Variants in ST8SIA1 observed in about 807,000 individuals in gnomAD.
ST8SIA1 encodes ST8 alpha-N-acetyl-neuraminide alpha-2,8-sialyltransferase 1, also known as alpha-N-acetylneuraminide alpha-2,8-sialyltransferase.
Under a neutral mutation model 35.9 loss-of-function variants are expected in ST8SIA1, and 16 were observed. The observed-to-expected ratio is 0.45, with a 90% CI of 0.30 to 0.68. The LOEUF is 0.68. Among genes scored for constraint, ST8SIA1 ranks in the 30% least tolerant of loss-of-function variants. The pLI, the probability that ST8SIA1 is intolerant of heterozygous loss-of-function variation, is 0.09. For synonymous variants in ST8SIA1, 170 were observed against 169.6 expected (o/e 1.00, Z -0.02); for missense variants, 383 against 453.6 (o/e 0.84, Z 1.41).
rs1410154327 is a variant in ST8SIA1 at position 22,334,623 on chromosome 12, T to C, written c.-391A>G. The C allele has an allele frequency of 4.4e-6, 1 of 225,418 alleles. No homozygotes were observed. The highest frequency in any genetic ancestry group is 2.3e-5 in the African/African-American group (1 of 42,850). 14.0% of individuals were successfully genotyped at this position (225,418 alleles called of 1,614,324 possible). The stretch of plus-strand genomic sequence containing the variant: ...AGAAGGCTCGGCTCCCTCCTAAACA[T>C]GTGGCCCGTGGCGTCCCCTTGTCCC... On this transcript the variant is annotated 5_prime_UTR_variant, in exon 1 of 5. An upstream start codon of the reference 5' UTR is lost. Transcript: ENST00000396037.
chr12:22,321,052 AAAAGG>A lies in ST8SIA1; in HGVS notation c.236+12940_236+12944del, dbSNP rs1565596137. ...AAAGAAAGAGAAAGAGAAAGAAAAG[AAAAGG>A]AAGAGTCTGCAGAATCAACCAGACA... On this transcript the variant is annotated intron_variant, in intron 1 of 4. Transcript: ENST00000396037. Among the ~76,000 whole-genome samples, 22 of 151,614 alleles carry A rather than the reference AAAAGG, an allele frequency of 1.5e-4. 1 individual carries two copies. The East Asian group carries it at 3.9e-3, about 27-fold the overall frequency.
chr12:22,330,195 C>T (rs1866743265), intron 1 of ST8SIA1, among the ~76,000 whole-genome samples: 1 of 152,198 alleles, frequency 6.6e-6, no homozygotes, highest in Non-Finnish European at 1.5e-5. Flanking sequence ...ACTCCAAACA[C>T]CACCTCCTCT....
chr12:22,333,379 A>C (rs1486810382), intron 1 of ST8SIA1, among the ~76,000 whole-genome samples: 1 of 152,222 alleles, frequency 6.6e-6, no homozygotes. Context: ...TAAAGAATCA[A>C]TTTGTGGTCA....
At chr12:22,245,577 G>A (rs1865590859) in intron 4 of ST8SIA1, among the ~76,000 whole-genome samples, 1 of 152,342 alleles carries the variant, frequency 6.6e-6, no homozygotes, top group South Asian at 2.1e-4. Flanking sequence ...ATCAGAAGGT[G>A]TGATAGTGTA....
At chr12:22,260,072 T>C (rs1865771415) in intron 2 of ST8SIA1, among the ~76,000 whole-genome samples, 1 of 152,134 alleles carries the variant, frequency 6.6e-6, no homozygotes, top group South Asian at 2.1e-4. Context: ...TATAACACTC[T>C]TGCTAACCTT....
At chr12:22,320,969 AAGAAAGAAAG>A (rs1866584369) in intron 1 of ST8SIA1, among the ~76,000 whole-genome samples, 3 of 83,412 alleles carry the variant, frequency 3.6e-5, no homozygotes, top group African/African-American at 1.9e-4. Context: ...GAAAGAAAGA[AAGAAAGAAAG>A]AAAGAAAGAA....
At chr12:22,271,374 T>G (rs1269715921) in intron 2 of ST8SIA1, among the ~76,000 whole-genome samples, 1 of 152,164 alleles carries the variant, frequency 6.6e-6, no homozygotes. Context: ...ATATATAAAC[T>G]CTATATGAAT....
intron 4 of ST8SIA1, among the ~76,000 whole-genome samples, chr12:22,245,536 T>G (rs571559084): frequency 2.1e-4 from 32 of 152,244 alleles, no homozygotes; most frequent in Non-Finnish European, 1.0e-4. Flanking sequence ...TGCTACTGTC[T>G]CCTTGTGCAA....
chr12:22,268,707 G>A (rs962524741), intron 2 of ST8SIA1: 2 of 152,138 alleles, frequency 1.3e-5, no homozygotes, highest in Admixed American at 1.3e-4. Flanking sequence ...CATGAGAACA[G>A]CATGAGGGTA....
At chr12:22,251,179 T>G (rs1323648510) in intron 3 of ST8SIA1, among the ~76,000 whole-genome samples, 3 of 152,210 alleles carry the variant, frequency 2.0e-5, no homozygotes, top group African/African-American at 7.2e-5. Flanking sequence ...TTAATTGCCC[T>G]TGGAAGCAGG....
rs550780913 is a variant in ST8SIA1, at chr12:22,240,642, A to T, written c.584+8364T>A. ...GAGTTGTACACAATTTTAAAGATAA[A>T]TTGCTGTAATCTTGGACCCAAGTTA... On this transcript the variant is annotated intron_variant, in intron 4 of 4. Transcript: ENST00000396037. 2.6e-5 allele frequency among the ~76,000 whole-genome samples: 4 copies of T among 152,250 alleles called. No individual in the cohort carries two copies. The East Asian group carries it at 7.7e-4, about 29-fold the overall frequency.
intron 1 of ST8SIA1, among the ~76,000 whole-genome samples, chr12:22,310,761 C>T (rs1866439280): frequency 6.6e-6 from 1 of 152,018 alleles, no homozygotes. Flanking sequence ...CTTACAATAT[C>T]GTACATTCCT....
At chr12:22,325,794 A>G (rs1013744825) in intron 1 of ST8SIA1, 9 of 696,730 alleles carry the variant, frequency 1.3e-5, no homozygotes, top group Non-Finnish European at 2.1e-5. Context: ...TTATAACAAT[A>G]TACCTGCATC....
At chr12:22,318,862 G>A (rs574070202) in intron 1 of ST8SIA1, among the ~76,000 whole-genome samples, 1 of 152,166 alleles carries the variant, frequency 6.6e-6, no homozygotes, top group Non-Finnish European at 1.5e-5. Flanking sequence ...TACCACAAAG[G>A]TTCAGCACAG....
intron 1 of ST8SIA1, among the ~76,000 whole-genome samples, chr12:22,291,953 T>G (rs1866181791): frequency 6.6e-6 from 1 of 152,172 alleles, no homozygotes; most frequent in Non-Finnish European, 1.5e-5. Flanking sequence ...CAACGAATAT[T>G]TATAAAATTT....
rs183818881 is a variant in ST8SIA1 at position 22,285,728 on chromosome 12, G to A, written c.381+1421C>T. On this transcript the variant is annotated intron_variant, in intron 2 of 4. Coordinates refer to ENST00000396037, the MANE Select transcript of ST8SIA1 (RefSeq NM_003034.4). Reference sequence around the variant, plus strand: ...CTCTACTAAAAATACAAAACAGCTGGGTATGGTGGCACATGTCTGTGATCC... The same window carrying A: ...CTCTACTAAAAATACAAAACAGCTGAGTATGGTGGCACATGTCTGTGATCC... 2.6e-3 allele frequency among the ~76,000 whole-genome samples: 393 copies of A among 152,064 alleles called. 3 individuals are homozygous for A. The highest frequency in any genetic ancestry group is 4.4e-3 in the Non-Finnish European group (301 of 67,984).
At chr12:22,280,352 G>A (rs16924866) in intron 2 of ST8SIA1, among the ~76,000 whole-genome samples, 40,492 of 152,050 alleles carry the variant, frequency 0.27, 5,573 homozygotes, top group Middle Eastern at 0.38. Context: ...GAAACACCCT[G>A]TCATGTCACC....
intron 4 of ST8SIA1, among the ~76,000 whole-genome samples, chr12:22,217,447 T>C (rs1442174134): frequency 6.6e-6 from 1 of 152,224 alleles, no homozygotes; most frequent in Non-Finnish European, 1.5e-5. Context: ...CCATTGATTT[T>C]CATGTTCATA....
At chr12:22,238,874 G>C (rs6487295) in intron 4 of ST8SIA1, among the ~76,000 whole-genome samples, 8,403 of 151,830 alleles carry the variant, frequency 0.055, 813 homozygotes, top group African/African-American at 0.19. Context: ...CTTTTTCTGA[G>C]GTATATTCTT....
Sources: gnomAD v4.1 joint callset for allele counts (sites outside exome capture counted in the v4.1 genomes callset) on GRCh38, gnomAD v4.1.1 for gene constraint, MANE v1.5 for transcripts, NCBI Gene and HGNC (gene_info 2026-07-23, HGNC 2026-07-21) for gene names.